VEGFC: variants seen among roughly 807,000 people sequenced by gnomAD.
VEGFC encodes vascular endothelial growth factor C, also known as FLT4 ligand DHM.
VEGFC carries 12 observed loss-of-function variants against 46.1 expected under a neutral mutation model. That is an observed-to-expected ratio of 0.26 (90% CI 0.17 to 0.42). The LOEUF (loss-of-function observed/expected upper bound fraction) is 0.42, where lower values mean the gene tolerates loss of function less well. Among genes scored for constraint, VEGFC ranks in the 10% least tolerant of loss-of-function variants. The probability of loss-of-function intolerance (pLI) is 1.00; values close to 1 mark genes in which losing one functional copy is unlikely to be tolerated. For missense variants in VEGFC, 488 were observed against 529.4 expected, an observed-to-expected ratio of 0.92 and a Z score of 0.77; for synonymous variants, 232 against 195.5, an observed-to-expected ratio of 1.19 and a Z score of -1.56.
intron 6 of VEGFC, among the ~76,000 whole-genome samples, chr4:176,684,546 ACT>A (rs552239485): frequency 4.0e-4 from 61 of 152,136 alleles, no homozygotes; most frequent in African/African-American, 1.4e-3. Context: ...ACGGTGACTA[ACT>A]CTTCCTTTCC....
intron 1 of VEGFC, among the ~76,000 whole-genome samples, chr4:176,752,129 G>A (rs983060831): frequency 6.6e-6 from 1 of 151,680 alleles, no homozygotes; most frequent in African/African-American, 2.4e-5. Context: ...TAAAATTTTT[G>A]AGCTGTATCT....
intron 1 of VEGFC, among the ~76,000 whole-genome samples, chr4:176,760,816 A>G (rs1735516035): frequency 6.6e-6 from 1 of 152,188 alleles, no homozygotes; most frequent in African/African-American, 2.4e-5. Flanking sequence ...TTTTTTTTAA[A>G]GAACCGAAGA....
chr4:176,705,174 G>C (rs886232768), intron 4 of VEGFC, among the ~76,000 whole-genome samples: 29 of 152,224 alleles, frequency 1.9e-4, no homozygotes, highest in Middle Eastern at 3.4e-3. Context: ...TATAGAGATA[G>C]AAGACCTGAC....
chr4:176,792,565 C>T lies in VEGFC; in HGVS notation c.-254G>A. ...AAAGCCTCACAGGAAACCGGACATC[C>T]GAGCTCCCCGCATTCGGAGCCCGCG... On this transcript the variant is annotated 5_prime_UTR_variant, in exon 1 of 7. Coordinates refer to ENST00000618562, the MANE Select transcript of VEGFC (RefSeq NM_005429.5). The surrounding 1 kb of genome is among the most constrained non-coding windows in gnomAD (Gnocchi z 6.3). The T allele has an allele frequency of 2.8e-6, 1 of 355,754 alleles. No individual in the cohort carries two copies. Among genetic ancestry groups the T allele is most frequent in the Non-Finnish European group, 5.0e-6 (1 of 199,700 alleles). The allele number at this position is 355,754 out of a possible 1,614,324, so 22.0% of individuals were successfully genotyped here.
chr4:176,695,356 T>C (rs1483692273), intron 4 of VEGFC, among the ~76,000 whole-genome samples: 14 of 149,534 alleles, frequency 9.4e-5, no homozygotes, highest in African/African-American at 1.5e-4. Context: ...AACACCTCTA[T>C]GCAAATAAAC....
intron 1 of VEGFC, among the ~76,000 whole-genome samples, chr4:176,761,761 T>G (rs1735534307): frequency 1.3e-5 from 2 of 152,160 alleles, no homozygotes. Context: ...TTAACTTTAT[T>G]ATTATAGGAC....
At chr4:176,764,223 C>T (rs1382982379) in intron 1 of VEGFC, among the ~76,000 whole-genome samples, 1 of 152,146 alleles carries the variant, frequency 6.6e-6, no homozygotes, top group Non-Finnish European at 1.5e-5. Context: ...GCAACATTTT[C>T]CCTTGGGTAA....
chr4:176,785,812 G>GTGTA (rs1202035528), intron 1 of VEGFC, among the ~76,000 whole-genome samples: 1 of 152,176 alleles, frequency 6.6e-6, no homozygotes, highest in Non-Finnish European at 1.5e-5. Flanking sequence ...CTATTAAGCG[G>GTGTA]TGTATGCATG....
intron 1 of VEGFC, among the ~76,000 whole-genome samples, chr4:176,743,404 A>T (rs1482793296): frequency 2.6e-5 from 4 of 151,972 alleles, no homozygotes; most frequent in Admixed American, 2.6e-4. Flanking sequence ...TGTACAATAG[A>T]ATCATAAAGT....
At chr4:176,756,355 C>T (rs1388916631) in intron 1 of VEGFC, among the ~76,000 whole-genome samples, 4 of 151,860 alleles carry the variant, frequency 2.6e-5, no homozygotes, top group African/African-American at 7.3e-5. Context: ...AAGGAATAAA[C>T]AATAAATGAA....
chr4:176,771,756 G>T (rs1284094232), intron 1 of VEGFC, among the ~76,000 whole-genome samples: 2 of 152,164 alleles, frequency 1.3e-5, no homozygotes, highest in Non-Finnish European at 2.9e-5. Flanking sequence ...TCTGTACCAG[G>T]TGTTTTATGG....
chr4:176,713,362 C>T (rs980931326), intron 3 of VEGFC, among the ~76,000 whole-genome samples: 24 of 152,196 alleles, frequency 1.6e-4, no homozygotes, highest in African/African-American at 5.8e-4. Flanking sequence ...TCTGCAGTGT[C>T]TTCATAAGCT....
intron 6 of VEGFC, among the ~76,000 whole-genome samples, chr4:176,685,801 T>G (rs575501991): frequency 7.2e-5 from 11 of 152,134 alleles, no homozygotes; most frequent in Non-Finnish European, 1.6e-4. Context: ...ATACCTATGA[T>G]GTACTTTGCA....
rs908341143 is a variant in VEGFC, at chr4:176,694,196, A to C, written c.705-6269T>G. On this transcript the variant is annotated intron_variant, in intron 4 of 6. Coordinates refer to ENST00000618562, the MANE Select transcript of VEGFC (RefSeq NM_005429.5). ...AGACACAGACTGGCAAATTGGATAAAGAGTCAAGACCCATCAGTGTGCTGT... is the reference window on the plus strand; with the variant it reads ...AGACACAGACTGGCAAATTGGATAACGAGTCAAGACCCATCAGTGTGCTGT... Among the ~76,000 whole-genome samples the C allele has an allele frequency of 3.7e-3, 564 of 151,728 alleles. 2 individuals carry two copies. The highest frequency in any genetic ancestry group is 0.013 in the African/African-American group (519 of 41,388).
At chr4:176,773,331 C>T (rs74753676) in intron 1 of VEGFC, among the ~76,000 whole-genome samples, 1,746 of 152,292 alleles carry the variant, frequency 0.011, 26 homozygotes, top group Middle Eastern at 0.099. Flanking sequence ...CCCTTAAACG[C>T]CCACTGGGGC....
At chr4:176,722,342 G>C (rs531230564) in intron 3 of VEGFC, among the ~76,000 whole-genome samples, 1 of 152,240 alleles carries the variant, frequency 6.6e-6, no homozygotes. Flanking sequence ...AAGATTCCAT[G>C]TGATCTAAAG....
chr4:176,786,661 A>C (rs1736006564), intron 1 of VEGFC, among the ~76,000 whole-genome samples: 1 of 152,240 alleles, frequency 6.6e-6, no homozygotes, highest in Admixed American at 6.5e-5. Flanking sequence ...TATAGACAAG[A>C]TCACTCACTC....
At chr4:176,709,171 C>G (rs1734580990) in intron 4 of VEGFC, among the ~76,000 whole-genome samples, 1 of 152,142 alleles carries the variant, frequency 6.6e-6, no homozygotes, top group African/African-American at 2.4e-5. Flanking sequence ...TTTTATTTAA[C>G]AAGCATTTAT....
intron 1 of VEGFC, among the ~76,000 whole-genome samples, chr4:176,731,558 G>T (rs2111020361): frequency 6.6e-6 from 1 of 151,880 alleles, no homozygotes; most frequent in South Asian, 2.1e-4. Context: ...GTTTTTGTTT[G>T]TCTCTGCTTG....
Sources: allele counts gnomAD v4.1 joint callset (sites outside exome capture counted in the v4.1 genomes callset), GRCh38; gene constraint gnomAD v4.1.1; non-coding constraint Gnocchi (gnomAD v3.1); transcripts MANE v1.5; gene names NCBI Gene and HGNC (gene_info 2026-07-23, HGNC 2026-07-21).